The following MASP1 variants were observed in gnomAD, a reference collection of about 807,000 sequenced individuals.
MASP1 encodes the protein mannan-binding lectin serine protease 1.
In MASP1, 59 loss-of-function variants were observed where a neutral mutation model predicts 77.1. The observed-to-expected ratio is 0.77, with a 90% CI of 0.62 to 0.95. The LOEUF (loss-of-function observed/expected upper bound fraction) is 0.95. Among genes scored for constraint, MASP1 ranks in the 40% least tolerant of loss-of-function variants. The pLI, the probability that MASP1 is intolerant of heterozygous loss-of-function variation, is 0.00. For synonymous variants in MASP1, 362 were observed against 354.5 expected, an observed-to-expected ratio of 1.02 and a Z score of -0.24; for missense variants, 885 against 912.9, an observed-to-expected ratio of 0.97 and a Z score of 0.39.
intron 9 of MASP1, chr3:187,242,296 G>C (rs1713713733): frequency 6.6e-6 from 1 of 152,440 alleles, no homozygotes; most frequent in South Asian, 2.1e-4. Flanking sequence ...CGGATCACTT[G>C]AGGTCAGGAG....
intron 8 of MASP1, 74 bp downstream of exon 8, chr3:187,250,177 T>G (rs1248472628): frequency 8.2e-7 from 1 of 1,226,012 alleles, no homozygotes; most frequent in Admixed American, 1.7e-5. Flanking sequence ...GCTTTCACCC[T>G]TGCATGCTCT....
At chr3:187,236,662 C>G in intron 10 of MASP1, 95 bp from the exon 11 acceptor site, 1 of 1,607,736 alleles carries the variant, frequency 6.2e-7, no homozygotes, top group Non-Finnish European at 8.5e-7. Context: ...ATTTCACCCA[C>G]TATAGATTAT....
At chr3:187,233,011 C>T (rs114467456), downstream of MASP1, among the ~76,000 whole-genome samples, 1,844 of 152,222 alleles carry the variant, frequency 0.012, 44 homozygotes, top group African/African-American at 0.041. Flanking sequence ...TAGGCCAAGC[C>T]CTGCTGTATG....
At chr3:187,281,925 G>A (rs999566793) in intron 2 of MASP1, among the ~76,000 whole-genome samples, 2 of 152,198 alleles carry the variant, frequency 1.3e-5, no homozygotes, top group Non-Finnish European at 2.9e-5. Context: ...AAGCATATAT[G>A]CTAGGGGCTA....
At chr3:187,226,234 C>T (rs1712417921) in intron 12 of MASP1, 2 of 647,760 alleles carry the variant, frequency 3.1e-6, no homozygotes, top group Non-Finnish European at 2.8e-6. Flanking sequence ...GGTCACGTGT[C>T]TGGAGAATCA....
chr3:187,236,340 C>G lies in MASP1; in HGVS notation c.1531G>C (p.Val511Leu). 1 of 1,614,258 alleles carries G rather than the reference C, an allele frequency of 6.2e-7. No homozygotes were observed. Among genetic ancestry groups the G allele is most frequent in the Non-Finnish European group, 8.5e-7 (1 of 1,180,050 alleles). Residue 511 changes from valine to leucine, a missense_variant, in exon 11 of 11, where the codon GTC (valine) becomes CTC (leucine). Val to Leu is a conservative substitution (Grantham distance 32, BLOSUM62 1). Transcript: ENST00000296280. ...SQRRDTTVIP[V>L]SKEHVTVYLG... ...TAGACGGTGACATGCTCCTTGGAGA[C>G]TGGTATCACCGTGGTGTCTCTACGC...
intron 8 of MASP1, among the ~76,000 whole-genome samples, chr3:187,249,354 G>A (rs1714369915): frequency 6.6e-6 from 1 of 152,186 alleles, no homozygotes; most frequent in Non-Finnish European, 1.5e-5. Context: ...CACCATGCCA[G>A]GCTCTAATTC....
At position 187,235,479 on chromosome 3, in the gene MASP1, C is replaced by G. The variant is rs1476845994; in HGVS notation, c.*205G>C. 1.6e-5 allele frequency: 25 copies of G among 1,523,158 alleles called. No homozygotes were observed. Among genetic ancestry groups the G allele is most frequent in the Non-Finnish European group, 1.9e-5 (22 of 1,140,296 alleles). 94.4% of individuals were successfully genotyped at this position (1,523,158 alleles called of 1,614,324 possible). Reference sequence around the variant, plus strand: ...AGACAGGGAAAGAGACTTGGACAAGCTCAGGAACACAGGTCTCCTGCCTGG... The same window carrying G: ...AGACAGGGAAAGAGACTTGGACAAGGTCAGGAACACAGGTCTCCTGCCTGG... On this transcript the variant is annotated 3_prime_UTR_variant, in exon 11 of 11. Coordinates refer to ENST00000296280, the MANE Select transcript of MASP1 (RefSeq NM_139125.4).
intron 2 of MASP1, among the ~76,000 whole-genome samples, chr3:187,269,057 A>G (rs906728283): frequency 2.2e-5 from 3 of 139,088 alleles, no homozygotes; most frequent in African/African-American, 8.0e-5. Context: ...AGAGCAAGAC[A>G]CTGTCTCAAA....
chr3:187,283,105 G>A (rs1316864992), intron 2 of MASP1, among the ~76,000 whole-genome samples: 1 of 152,140 alleles, frequency 6.6e-6, no homozygotes, highest in East Asian at 1.9e-4. Flanking sequence ...TGAATTCCAT[G>A]TAAGGGCCCA....
Position 187,253,329 on chromosome 3 carries a change from G to A in MASP1, c.745-14C>T, listed in dbSNP as rs1474615599. On this transcript the variant is annotated splice_polypyrimidine_tract_variant and intron_variant, in intron 5 of 10. Transcript: ENST00000296280. ...ACCAACTTTGATCTGCAAAATATGA[G>A]AGAGAGAGAGAGAAATAGAGTGTTC... 6.2e-7 allele frequency: 1 copy of A among 1,609,498 alleles called. No individual in the cohort carries two copies. Among genetic ancestry groups the A allele is most frequent in the Non-Finnish European group, 8.5e-7 (1 of 1,176,564 alleles).
chr3:187,238,733 C>G (rs1713378876), intron 10 of MASP1, among the ~76,000 whole-genome samples: 1 of 152,190 alleles, frequency 6.6e-6, no homozygotes, highest in African/African-American at 2.4e-5. Flanking sequence ...AGTTCTGCCC[C>G]TGACTTTCTA....
chr3:187,256,496 T>A (rs1715087147), intron 5 of MASP1, 168 bp downstream of exon 5: 1 of 705,546 alleles, frequency 1.4e-6, no homozygotes, highest in South Asian at 1.7e-5. Context: ...ATTCCTGGAA[T>A]AGATCTAACT....
At chr3:187,243,321 T>A in intron 9 of MASP1, 163 bp downstream of exon 9, 1 of 752,274 alleles carries the variant, frequency 1.3e-6, no homozygotes, top group East Asian at 2.6e-5. Context: ...CACAAGCTCA[T>A]GAAAAGTGAG....
chr3:187,245,216 T>C (rs553211999), intron 8 of MASP1, among the ~76,000 whole-genome samples: 1 of 152,362 alleles, frequency 6.6e-6, no homozygotes, highest in Admixed American at 6.5e-5. Flanking sequence ...TTAAATACTA[T>C]GAACAGTTTT....
Position 187,285,919 on chromosome 3 carries a change from CAA to C in MASP1, c.141_142del (p.Trp48GlufsTer26). The C allele has an allele frequency of 6.2e-7, 1 of 1,614,128 alleles. No individual in the cohort carries two copies. The highest frequency in any genetic ancestry group is 1.1e-5 in the South Asian group (1 of 91,078). ...AAACCCATCTGGGACAGTGATATTC[CAA>C]GTCACCTCTGAATCACTGGGATAGG... is the stretch of plus-strand genomic sequence containing the variant. On this transcript the variant is annotated frameshift_variant, in exon 2 of 11. Coordinates refer to ENST00000296280, the MANE Select transcript of MASP1 (RefSeq NM_139125.4). LOFTEE classifies it high-confidence loss of function.
chr3:187,233,636 G>C (rs986546698), downstream of MASP1, among the ~76,000 whole-genome samples: 7 of 152,326 alleles, frequency 4.6e-5, no homozygotes, highest in South Asian at 2.1e-4. Flanking sequence ...TGTTCTCCAT[G>C]ATGCTGTAGT....
At chr3:187,240,437 TTGAG>T (rs1713536542) in intron 10 of MASP1, among the ~76,000 whole-genome samples, 1 of 152,208 alleles carries the variant, frequency 6.6e-6, no homozygotes, top group African/African-American at 2.4e-5. Context: ...CAATGCTGTC[TTGAG>T]TGATTGTATC....
At chr3:187,273,958 C>T (rs1201162315) in intron 2 of MASP1, among the ~76,000 whole-genome samples, 1 of 152,158 alleles carries the variant, frequency 6.6e-6, no homozygotes, top group African/African-American at 2.4e-5. Flanking sequence ...GCCTGTAATC[C>T]CTGCATTTTG....
Sources: gnomAD v4.1 joint callset for allele counts (sites outside exome capture counted in the v4.1 genomes callset) on GRCh38, gnomAD v4.1.1 for gene constraint, MANE v1.5 for transcripts, NCBI Gene and HGNC (gene_info 2026-07-23, HGNC 2026-07-21) for gene names.